Variants in NRXN1 observed in about 807,000 individuals in gnomAD.
The protein encoded by NRXN1 is neurexin-1.
In NRXN1, 39 loss-of-function variants were observed where a neutral mutation model predicts 150.9. The ratio of observed to expected loss-of-function variants is 0.26; its 90% confidence interval spans 0.20 to 0.34. The LOEUF (loss-of-function observed/expected upper bound fraction) is 0.34. Ranked by LOEUF, NRXN1 falls within the 10% of genes least tolerant of loss-of-function variation. The probability of loss-of-function intolerance (pLI) is 1.00; values close to 1 mark genes in which losing one functional copy is unlikely to be tolerated. For missense variants in NRXN1, 1,815 were observed against 1,949.9 expected (o/e 0.93, Z 1.30); for synonymous variants, 924 against 757.0 (o/e 1.22, Z -3.62).
intron 17 of NRXN1, among the ~76,000 whole-genome samples, chr2:50,329,916 C>A (rs929995713): frequency 1.3e-5 from 2 of 151,372 alleles, no homozygotes; most frequent in Non-Finnish European, 2.9e-5. Context: ...TCGTGACCCA[C>A]CCGCCTCGGC....
intron 5 of NRXN1, among the ~76,000 whole-genome samples, chr2:50,891,006 A>T (rs1276232361): frequency 6.6e-6 from 1 of 152,052 alleles, no homozygotes. Context: ...AAAACAAAGC[A>T]CATGTTTATA....
At chr2:50,873,082 T>C (rs1486196038) in intron 5 of NRXN1, among the ~76,000 whole-genome samples, 1 of 151,902 alleles carries the variant, frequency 6.6e-6, no homozygotes, top group East Asian at 2.0e-4. Context: ...ATTACTGACT[T>C]AGAATTCTAG....
In NRXN1 at chr2:50,847,383, A is replaced by G. The variant is rs76910187; in HGVS notation, c.832+74486T>C. 9.4e-3 allele frequency among the ~76,000 whole-genome samples: 1,431 copies of G among 152,244 alleles called. 21 individuals are homozygous for G. Among genetic ancestry groups the G allele is most frequent in the African/African-American group, 0.033 (1,381 of 41,534 alleles). ...TCAGAGGCCAAACAGGTTTCTGAAT[A>G]AAGCTGGATTGAAACTAGGTCTGAC... On this transcript the variant is annotated intron_variant, in intron 5 of 22. Transcript: ENST00000401669.
intron 21 of NRXN1, among the ~76,000 whole-genome samples, chr2:49,971,437 A>C (rs1677941098): frequency 6.6e-6 from 1 of 152,190 alleles, no homozygotes. Flanking sequence ...AGTTGAGCCC[A>C]AATGTTATTG....
chr2:50,623,389 T>C lies in NRXN1; in HGVS notation c.1059A>G (p.Ala353=), dbSNP rs200259338. The change falls in exon 6 of 23, where the codon GCA becomes GCG. Residue 353 remains alanine (A), a synonymous_variant. Transcript: ENST00000401669. ...VINLGSGAFE[A]LVEPVNGKFN... ...ACTTTCCATTCACAGGCTCCACTAG[T>C]GCTTCAAAGGCCCCTGATCCCAAAT... 1.4e-5 allele frequency: 23 copies of C among 1,613,416 alleles called. No homozygotes were observed. Among genetic ancestry groups the C allele is most frequent in the Non-Finnish European group, 1.9e-5 (22 of 1,179,542 alleles).
Position 50,866,539 on chromosome 2 carries a change from T to G in NRXN1, c.832+55330A>C, listed in dbSNP as rs115942830. Among the ~76,000 whole-genome samples the G allele has an allele frequency of 5.4e-3, 827 of 152,052 alleles. 7 individuals carry two copies. Among genetic ancestry groups the G allele is most frequent in the African/African-American group, 0.019 (795 of 41,538 alleles). On this transcript the variant is annotated intron_variant, in intron 5 of 22. Coordinates refer to ENST00000401669, the MANE Select transcript of NRXN1 (RefSeq NM_001330078.2). The stretch of plus-strand genomic sequence containing the variant: ...TTCCTTGCAGTATCCATGGCTGTCA[T>G]GAAAGTAGATGTTAAAATATCAGAT...
At chr2:50,130,871 T>C (rs1297747978) in intron 18 of NRXN1, among the ~76,000 whole-genome samples, 3 of 152,184 alleles carry the variant, frequency 2.0e-5, no homozygotes, top group Non-Finnish European at 4.4e-5. Flanking sequence ...AGGCATTTGG[T>C]TGAGGATTCA....
chr2:50,882,336 T>A (rs1476695378), intron 5 of NRXN1, among the ~76,000 whole-genome samples: 1 of 151,954 alleles, frequency 6.6e-6, no homozygotes, highest in African/African-American at 2.4e-5. Context: ...TCAAAAAGTA[T>A]ATAATAACTT....
intron 21 of NRXN1, among the ~76,000 whole-genome samples, chr2:50,029,081 G>A (rs1247045476): frequency 6.6e-6 from 1 of 152,176 alleles, no homozygotes; most frequent in African/African-American, 2.4e-5. Context: ...GTGATTAGGT[G>A]TTGAGGATGG....
intron 18 of NRXN1, among the ~76,000 whole-genome samples, chr2:50,181,590 A>G (rs1169372683): frequency 1.3e-5 from 2 of 152,076 alleles, no homozygotes. Flanking sequence ...GGAAAATTAG[A>G]CTAAATAAAT....
intron 17 of NRXN1, among the ~76,000 whole-genome samples, chr2:50,447,737 TTATATA>T (rs70948710): frequency 0.014 from 541 of 37,852 alleles, 13 homozygotes; most frequent in Middle Eastern, 0.057. Flanking sequence ...CAGGGGAACG[TTATATA>T]TATATATATA....
chr2:50,524,739 C>A (rs1020610738), intron 12 of NRXN1, among the ~76,000 whole-genome samples: 5 of 151,758 alleles, frequency 3.3e-5, no homozygotes, highest in African/African-American at 1.2e-4. Context: ...GTTTAGTTTT[C>A]AAAATTTCAA....
At chr2:50,275,963 A>G (rs1198421618) in intron 17 of NRXN1, among the ~76,000 whole-genome samples, 1 of 143,224 alleles carries the variant, frequency 7.0e-6, no homozygotes, top group Non-Finnish European at 1.5e-5. Flanking sequence ...AATAATTATC[A>G]TATTATTACC....
At chr2:50,290,648 C>T (rs2072800578) in intron 17 of NRXN1, among the ~76,000 whole-genome samples, 1 of 152,146 alleles carries the variant, frequency 6.6e-6, no homozygotes, top group African/African-American at 2.4e-5. Flanking sequence ...AACCACACTC[C>T]CACTGTACAG....
At chr2:50,230,516 A>C (rs1043991592) in intron 18 of NRXN1, among the ~76,000 whole-genome samples, 4 of 152,056 alleles carry the variant, frequency 2.6e-5, no homozygotes, top group Non-Finnish European at 4.4e-5. Context: ...TAAGTATATA[A>C]AATGGATAGA....
intron 19 of NRXN1, among the ~76,000 whole-genome samples, chr2:50,055,810 T>A (rs921427839): frequency 6.6e-6 from 1 of 152,228 alleles, no homozygotes. Flanking sequence ...TAGTCAAATA[T>A]CTGCTTTTTA....
chr2:50,901,902 T>C (rs1028213807), intron 5 of NRXN1, among the ~76,000 whole-genome samples: 1 of 152,200 alleles, frequency 6.6e-6, no homozygotes, highest in African/African-American at 2.4e-5. Flanking sequence ...GCAACACGCA[T>C]GGCGAATGGA....
At chr2:50,309,443 C>T (rs542152506) in intron 17 of NRXN1, among the ~76,000 whole-genome samples, 5 of 152,140 alleles carry the variant, frequency 3.3e-5, no homozygotes, top group African/African-American at 1.2e-4. Flanking sequence ...CTCTTAGGTC[C>T]CTTCAGTATG....
intron 5 of NRXN1, among the ~76,000 whole-genome samples, chr2:50,868,208 T>C (rs1677247752): frequency 7.2e-6 from 1 of 139,650 alleles, no homozygotes; most frequent in African/African-American, 2.7e-5. Flanking sequence ...CACACAGGAA[T>C]ACTATGCAGC....
Sources: allele counts gnomAD v4.1 joint callset (sites outside exome capture counted in the v4.1 genomes callset), GRCh38; gene constraint gnomAD v4.1.1; transcripts MANE v1.5; gene names NCBI Gene and HGNC (gene_info 2026-07-23, HGNC 2026-07-21).